The following CACNA1C variants were observed in gnomAD, a reference collection of about 807,000 sequenced individuals.
CACNA1C encodes the protein calcium voltage-gated channel subunit alpha1 C, also known as voltage-dependent L-type calcium channel subunit alpha-1C.
A neutral mutation model predicts 229.0 loss-of-function variants in CACNA1C; 30 were observed. The ratio of observed to expected loss-of-function variants is 0.13; its 90% CI spans 0.10 to 0.18. The LOEUF (loss-of-function observed/expected upper bound fraction) is 0.18, where lower values mean the gene tolerates loss of function less well. Among genes scored for constraint, CACNA1C ranks in the 10% least tolerant of loss-of-function variants. The probability of loss-of-function intolerance (pLI) is 1.00; values close to 1 mark genes in which losing one functional copy is unlikely to be tolerated. For synonymous variants in CACNA1C, 1,114 were observed against 1,132.5 expected (o/e 0.98, Z 0.33); for missense variants, 1,658 against 2,845.0 (o/e 0.58, Z 9.49).
At chr12:2,385,230 C>A (rs182195076) in intron 3 of CACNA1C, among the ~76,000 whole-genome samples, 1 of 152,312 alleles carries the variant, frequency 6.6e-6, no homozygotes, top group African/African-American at 2.4e-5. Flanking sequence ...TCAGAGGGAT[C>A]TGCTTGAGCT....
intron 3 of CACNA1C, among the ~76,000 whole-genome samples, chr12:2,337,529 C>G (rs2154519609): frequency 6.6e-6 from 1 of 152,316 alleles, no homozygotes; most frequent in Non-Finnish European, 1.5e-5. Flanking sequence ...GCTCCTGAAT[C>G]TCTTCCCTAA....
At chr12:1,987,030 C>T (rs929973616) in intron 1 of CACNA1C, among the ~76,000 whole-genome samples, 1 of 152,150 alleles carries the variant, frequency 6.6e-6, no homozygotes, top group Non-Finnish European at 1.5e-5. Flanking sequence ...AGAGAAGCTA[C>T]AGAACCACTC....
intron 3 of CACNA1C, among the ~76,000 whole-genome samples, chr12:2,417,471 G>T (rs1392994890): frequency 1.3e-5 from 2 of 152,164 alleles, no homozygotes; most frequent in Admixed American, 1.3e-4. Flanking sequence ...TGTCTCTGGG[G>T]ATAGGGCCCA....
At chr12:2,570,557 C>T (rs1000422996) in intron 13 of CACNA1C, among the ~76,000 whole-genome samples, 3 of 152,166 alleles carry the variant, frequency 2.0e-5, no homozygotes, top group African/African-American at 4.8e-5. Context: ...TATTCACATA[C>T]TCTTGTTCTT....
At chr12:2,004,287 C>G (rs1158640341) in intron 1 of CACNA1C, 1 of 1,613,156 alleles carries the variant, frequency 6.2e-7, no homozygotes, top group Non-Finnish European at 8.5e-7. Flanking sequence ...CGCACCCACT[C>G]GTTGGCCCGA....
chr12:2,428,148 A>ACTG (rs66460741), intron 3 of CACNA1C, among the ~76,000 whole-genome samples: 120,974 of 151,770 alleles, frequency 0.8, 48,230 homozygotes, highest in Admixed American at 0.82. Flanking sequence ...TCTGTTCAAA[A>ACTG]CTTACAGAAG....
intron 3 of CACNA1C, among the ~76,000 whole-genome samples, chr12:2,255,198 T>A (rs577653978): frequency 6.6e-6 from 1 of 150,438 alleles, no homozygotes; most frequent in African/African-American, 2.5e-5. Flanking sequence ...CCGTGCTCCC[T>A]CCTGGTTTTA....
chr12:2,622,272 G>T (rs1387853408), intron 29 of CACNA1C, among the ~76,000 whole-genome samples: 1 of 152,222 alleles, frequency 6.6e-6, no homozygotes, highest in Non-Finnish European at 1.5e-5. Flanking sequence ...ACAGAGGCCA[G>T]TGTGTGCAGG....
Position 2,504,547 on chromosome 12 carries a change from G to A in CACNA1C, c.1114-295G>A, listed in dbSNP as rs754934099. ...TCTCGGTGTGTTGAGCGGGTAAGCT[G>A]ACCGTTTCTATGTCCTCTCCACAAC... On this transcript the variant is annotated intron_variant, in intron 7 of 46. Transcript: ENST00000399655. The surrounding 1 kb of genome is among the most constrained non-coding windows in gnomAD (Gnocchi z 6.8). 2 of 1,537,106 alleles carry A rather than the reference G, an allele frequency of 1.3e-6. No homozygotes were observed. The highest frequency in any genetic ancestry group is 2.2e-5 in the South Asian group (2 of 89,484).
chr12:2,598,966 G>A (rs1421066487), intron 21 of CACNA1C, among the ~76,000 whole-genome samples: 3 of 152,224 alleles, frequency 2.0e-5, no homozygotes, highest in African/African-American at 4.8e-5. Context: ...GATGCACCGC[G>A]GCAAAACCTG....
At chr12:2,436,894 T>C (rs2099140060) in intron 3 of CACNA1C, among the ~76,000 whole-genome samples, 1 of 152,260 alleles carries the variant, frequency 6.6e-6, no homozygotes, top group African/African-American at 2.4e-5. Context: ...CCACCTTTTC[T>C]CTTTGCCCAC....
intron 3 of CACNA1C, among the ~76,000 whole-genome samples, chr12:2,398,999 A>G (rs769849488): frequency 6.6e-5 from 10 of 151,878 alleles, no homozygotes; most frequent in Non-Finnish European, 1.2e-4. Context: ...GTACAGTTTG[A>G]CCCTCTCCCT....
At chr12:2,193,815 T>C (rs2097314975) in intron 3 of CACNA1C, among the ~76,000 whole-genome samples, 1 of 152,228 alleles carries the variant, frequency 6.6e-6, no homozygotes, top group South Asian at 2.1e-4. Flanking sequence ...CAGTCTTTAT[T>C]TTCTACCTGC....
intron 3 of CACNA1C, among the ~76,000 whole-genome samples, chr12:2,324,562 A>G: frequency 6.6e-6 from 1 of 152,196 alleles, no homozygotes; most frequent in Non-Finnish European, 1.5e-5. Context: ...CCAGGAGAAA[A>G]GGCTCCCTGA....
In CACNA1C at chr12:2,575,860, G is replaced by C. The variant is rs1448814714; in HGVS notation, c.1896-5730G>C. Among the ~76,000 whole-genome samples, 1 of 152,174 alleles carries C rather than the reference G, an allele frequency of 6.6e-6. No homozygotes were observed. The highest frequency in any genetic ancestry group is 1.5e-5 in the Non-Finnish European group (1 of 68,024). ...GGCCCTGAGCTCTTTGAAGCAAAAG[G>C]TTCATGAGATGAAAGTTCCAGTTCA... is the stretch of plus-strand genomic sequence containing the variant. On this transcript the variant is annotated intron_variant, in intron 13 of 46. Transcript: ENST00000399655. This position sits in a 1 kb window ranked among gnomAD's most constrained non-coding sequence, Gnocchi z 4.0.
chr12:2,156,466 A>C (rs1244680751), intron 3 of CACNA1C, among the ~76,000 whole-genome samples: 1 of 152,094 alleles, frequency 6.6e-6, no homozygotes. Flanking sequence ...AGAAGACATC[A>C]CCCACCGGTG....
intron 3 of CACNA1C, among the ~76,000 whole-genome samples, chr12:2,265,402 T>C (rs750885778): frequency 7.2e-5 from 11 of 152,182 alleles, no homozygotes; most frequent in Admixed American, 2.6e-4. Context: ...ATCCCAAGGC[T>C]AAAGGGGCAG....
intron 3 of CACNA1C, among the ~76,000 whole-genome samples, chr12:2,183,964 CAG>C (rs2096921401): frequency 6.6e-6 from 1 of 152,192 alleles, no homozygotes; most frequent in Non-Finnish European, 1.5e-5. Flanking sequence ...AAGAGGGAGA[CAG>C]AGTGATCTGG....
At chr12:2,610,760 A>G (rs2077259504) in intron 28 of CACNA1C, 61 bp downstream of exon 28, 1 of 1,573,454 alleles carries the variant, frequency 6.4e-7, no homozygotes, top group Admixed American at 1.7e-5. Context: ...TGGGGATGGA[A>G]AGTGTAACGG....
Sources: allele counts gnomAD v4.1 joint callset (sites outside exome capture counted in the v4.1 genomes callset), GRCh38; gene constraint gnomAD v4.1.1; non-coding constraint Gnocchi (gnomAD v3.1); transcripts MANE v1.5; gene names NCBI Gene and HGNC (gene_info 2026-07-23, HGNC 2026-07-21).